The following RBFOX1 variants were observed in gnomAD, a reference collection of about 807,000 sequenced individuals.
The protein encoded by RBFOX1 is RNA binding fox-1 homolog 1, also known as RNA binding protein fox-1 homolog 1.
Under a neutral mutation model 57.7 loss-of-function variants are expected in RBFOX1, and 8 were observed. The ratio of observed to expected loss-of-function variants is 0.14; its 90% CI spans 0.08 to 0.25. RBFOX1 has a LOEUF of 0.25. RBFOX1 is among the 10% of genes least tolerant of loss of function. The pLI is 1.00. For synonymous variants in RBFOX1, 326 were observed against 222.4 expected (o/e 1.47, Z -4.15); for missense variants, 611 against 548.5 (o/e 1.11, Z -1.14).
At chr16:7,145,389 T>C (rs1201249187) in intron 4 of RBFOX1, among the ~76,000 whole-genome samples, 1 of 152,048 alleles carries the variant, frequency 6.6e-6, no homozygotes. Context: ...GTATTTTAAA[T>C]ACAGACGGGG....
Position 6,097,183 on chromosome 16 carries a change from C to T in RBFOX1, c.-127+77191C>T, listed in dbSNP as rs368949090. Among the ~76,000 whole-genome samples the T allele has an allele frequency of 7.9e-5, 12 of 152,256 alleles. No individual in the cohort carries two copies. Among genetic ancestry groups the T allele is most frequent in the East Asian group, 1.9e-4 (1 of 5,186 alleles). On this transcript the variant is annotated intron_variant, in intron 1 of 15. Coordinates refer to ENST00000550418, the MANE Select transcript of RBFOX1 (RefSeq NM_018723.4). The surrounding 1 kb of genome is among the most constrained non-coding windows in gnomAD (Gnocchi z 5.0). ...CTGCTGCCTTGTAAGACGTGACTTT[C>T]GCTTTCTGCCATGATTGTGAGGCCT...
intron 3 of RBFOX1, among the ~76,000 whole-genome samples, chr16:5,648,388 G>A (rs557269810): frequency 6.6e-6 from 1 of 152,312 alleles, no homozygotes; most frequent in Non-Finnish European, 1.5e-5. Context: ...GACTGCGCAG[G>A]TGTGGTGCAC....
intron 3 of RBFOX1, among the ~76,000 whole-genome samples, chr16:7,002,089 G>A (rs138696733): frequency 6.8e-6 from 1 of 147,978 alleles, no homozygotes; most frequent in Non-Finnish European, 1.5e-5. Context: ...GCTCTTAGAC[G>A]CTATGGAGAA....
chr16:5,450,173 G>A (rs9933119), intron 1 of RBFOX1, among the ~76,000 whole-genome samples: 99,732 of 151,978 alleles, frequency 0.66, 32,842 homozygotes, highest in African/African-American at 0.71. Flanking sequence ...CAGGATTTGA[G>A]CCCGATCCTT....
chr16:6,421,919 A>T (rs1449028840), intron 2 of RBFOX1, among the ~76,000 whole-genome samples: 9 of 127,468 alleles, frequency 7.1e-5, no homozygotes, highest in African/African-American at 2.5e-4. Context: ...TAGGGACCAG[A>T]CCTTTTTTTT....
At chr16:7,538,422 C>T (rs368805712) in intron 5 of RBFOX1, among the ~76,000 whole-genome samples, 1 of 152,084 alleles carries the variant, frequency 6.6e-6, no homozygotes, top group Non-Finnish European at 1.5e-5. Flanking sequence ...AAATGTAATT[C>T]TCCTCAACTT....
chr16:6,790,893 T>C (rs1603624239), intron 3 of RBFOX1, among the ~76,000 whole-genome samples: 2 of 152,042 alleles, frequency 1.3e-5, no homozygotes, highest in South Asian at 4.1e-4. Flanking sequence ...ATTTGTGTGG[T>C]TTATTTTTTC....
chr16:5,585,649 C>G (rs2029176), intron 2 of RBFOX1, among the ~76,000 whole-genome samples: 31,668 of 152,220 alleles, frequency 0.21, 4,688 homozygotes, highest in East Asian at 0.49. Context: ...CTTATAGATA[C>G]CCTACCACGT....
chr16:6,037,436 A>G (rs2095379503), intron 1 of RBFOX1: 1 of 151,814 alleles, frequency 6.6e-6, no homozygotes, highest in Non-Finnish European at 1.5e-5. Context: ...AAACTTTTGT[A>G]ATAATTTATG....
At chr16:6,877,607 C>T (rs191450753) in intron 3 of RBFOX1, among the ~76,000 whole-genome samples, 7 of 152,270 alleles carry the variant, frequency 4.6e-5, no homozygotes, top group East Asian at 1.9e-4. Flanking sequence ...CGTGTCTTTG[C>T]ATTTGCATAT....
At chr16:6,698,864 T>G (rs890406520) in intron 3 of RBFOX1, among the ~76,000 whole-genome samples, 3 of 152,146 alleles carry the variant, frequency 2.0e-5, no homozygotes, top group African/African-American at 7.2e-5. Context: ...TAATATGACC[T>G]TGGAGGGTTT....
intron 3 of RBFOX1, among the ~76,000 whole-genome samples, chr16:5,767,409 G>A (rs922905358): frequency 6.6e-6 from 1 of 152,204 alleles, no homozygotes; most frequent in Admixed American, 6.5e-5. Context: ...GGGAGTGAAG[G>A]TTGGTAGCTG....
intron 4 of RBFOX1, among the ~76,000 whole-genome samples, chr16:7,513,419 C>T (rs1377222060): frequency 5.3e-5 from 8 of 152,132 alleles, no homozygotes; most frequent in Admixed American, 3.9e-4. Context: ...TATTTCCCAG[C>T]TTTGGTCTGC....
chr16:5,248,088 C>T (rs891499848), intron 1 of RBFOX1, among the ~76,000 whole-genome samples: 16 of 152,200 alleles, frequency 1.1e-4, no homozygotes, highest in Admixed American at 5.2e-4. Context: ...GATCTCACCT[C>T]GCACAGCTTA....
At chr16:7,177,072 C>G (rs1169537733) in intron 4 of RBFOX1, among the ~76,000 whole-genome samples, 1 of 152,146 alleles carries the variant, frequency 6.6e-6, no homozygotes. Context: ...CAGACATTGC[C>G]TGTCATAAAA....
At chr16:6,051,337 CT>C (rs1326989369) in intron 1 of RBFOX1, among the ~76,000 whole-genome samples, 76 of 151,530 alleles carry the variant, frequency 5.0e-4, no homozygotes, top group Non-Finnish European at 2.4e-4. Flanking sequence ...TCTTTCTTTC[CT>C]TTTTTTTGAG....
intron 1 of RBFOX1, among the ~76,000 whole-genome samples, chr16:5,424,408 C>T (rs2067449007): frequency 6.6e-6 from 1 of 152,148 alleles, no homozygotes; most frequent in Admixed American, 6.5e-5. Flanking sequence ...CTTAATCTTT[C>T]TGAACTCTGT....
intron 3 of RBFOX1, among the ~76,000 whole-genome samples, chr16:5,817,853 G>C (rs947806839): frequency 1.3e-5 from 2 of 152,036 alleles, no homozygotes; most frequent in Non-Finnish European, 2.9e-5. Context: ...ACCATGCCCG[G>C]CTAATTTTTT....
intron 3 of RBFOX1, among the ~76,000 whole-genome samples, chr16:5,777,705 C>G (rs967217276): frequency 6.6e-6 from 1 of 152,116 alleles, no homozygotes; most frequent in African/African-American, 2.4e-5. Flanking sequence ...GAAAAGTGAC[C>G]ATCACACAGG....
Sources: allele counts gnomAD v4.1 joint callset (sites outside exome capture counted in the v4.1 genomes callset), GRCh38; gene constraint gnomAD v4.1.1; non-coding constraint Gnocchi (gnomAD v3.1); transcripts MANE v1.5; gene names NCBI Gene and HGNC (gene_info 2026-07-23, HGNC 2026-07-21).